HDAC4: variants seen among roughly 807,000 people sequenced by gnomAD.
HDAC4 encodes the protein histone deacetylase A.
Under a neutral mutation model 135.1 loss-of-function variants are expected in HDAC4, and 16 were observed. That is an observed-to-expected ratio of 0.12 (90% confidence interval 0.08 to 0.18). The LOEUF (loss-of-function observed/expected upper bound fraction) is 0.18. Among genes scored for constraint, HDAC4 ranks in the 10% least tolerant of loss-of-function variants. The pLI is 1.00. For missense variants in HDAC4, 1,143 were observed against 1,511.8 expected (o/e 0.76, Z 4.05); for synonymous variants, 685 against 653.4 (o/e 1.05, Z -0.74).
At chr2:239,387,990 T>C (rs1311060765) in intron 1 of HDAC4, among the ~76,000 whole-genome samples, 2 of 152,014 alleles carry the variant, frequency 1.3e-5, no homozygotes, top group Non-Finnish European at 2.9e-5. Flanking sequence ...GGAGGACGGG[T>C]ATCCACGCCA....
In HDAC4 at chr2:239,139,844, G is replaced by A. The variant is rs370472716; in HGVS notation, c.866-48C>T. 4.6e-6 allele frequency: 7 copies of A among 1,536,508 alleles called. No homozygotes were observed. In the Admixed American group the frequency reaches 1.2e-4, roughly 26 times the overall value. ...GTGAGTGTTACTCCATGCGGAGGGA[G>A]GGCCGTGCTGACCTGTGGCCCGAAT... On this transcript the variant is annotated intron_variant, in intron 8 of 26. Transcript: ENST00000543185. This position sits in a 1 kb window ranked among gnomAD's most constrained non-coding sequence, Gnocchi z 5.3.
chr2:239,141,606 C>T lies in HDAC4; in HGVS notation c.866-1810G>A, dbSNP rs1362483889. 6.6e-6 allele frequency among the ~76,000 whole-genome samples: 1 copy of T among 152,190 alleles called. No homozygotes were observed. Among genetic ancestry groups the T allele is most frequent in the African/African-American group, 2.4e-5 (1 of 41,442 alleles). ...CCGCCTTCTCCAGGCCCCTCCAACT[C>T]TCCCATCTCTGCCCCACCTGCAGCC... On this transcript the variant is annotated intron_variant, in intron 8 of 26. Transcript: ENST00000543185. This position sits in a 1 kb window ranked among gnomAD's most constrained non-coding sequence, Gnocchi z 4.9.
intron 16 of HDAC4, among the ~76,000 whole-genome samples, chr2:239,100,612 G>A (rs576815039): frequency 2.9e-3 from 444 of 152,284 alleles, no homozygotes; most frequent in Non-Finnish European, 4.7e-3. Context: ...GCTCCTAAGG[G>A]GGAAGTGCCA....
intron 2 of HDAC4, among the ~76,000 whole-genome samples, chr2:239,249,710 C>T (rs1054279022): frequency 1.3e-5 from 2 of 151,910 alleles, no homozygotes; most frequent in African/African-American, 4.8e-5. Context: ...TATCCAAATA[C>T]CACGCCATCC....
At position 239,139,670 on chromosome 2, in the gene HDAC4, C is replaced by T. The variant is rs563336405; in HGVS notation, c.978+14G>A. 470 of 1,608,942 alleles carry T rather than the reference C, an allele frequency of 2.9e-4. 4 individuals are homozygous for T. In the South Asian group the frequency reaches 4.6e-3, roughly 16 times the overall value. On this transcript the variant is annotated intron_variant, in intron 9 of 26. Transcript: ENST00000543185. The surrounding 1 kb of genome is among the most constrained non-coding windows in gnomAD (Gnocchi z 5.3). The stretch of plus-strand genomic sequence containing the variant: ...CTCTAGCCGTAGGACACAGGACAAA[C>T]GCTTCGCACTGACCTCCGCCGGGAT...
intron 1 of HDAC4, among the ~76,000 whole-genome samples, chr2:239,388,011 G>A (rs1424457606): frequency 6.6e-6 from 1 of 152,186 alleles, no homozygotes; most frequent in Non-Finnish European, 1.5e-5. Flanking sequence ...CAGGTGTGCA[G>A]GGACTAACGG....
At chr2:239,081,214 C>A in intron 21 of HDAC4, 22 bp from the exon 22 acceptor site, 1 of 1,597,122 alleles carries the variant, frequency 6.3e-7, no homozygotes, top group South Asian at 1.1e-5. Flanking sequence ...AGGAGAGAAA[C>A]ACACGTCATG....
At chr2:239,124,331 CCCA>C (rs1411431929) in intron 12 of HDAC4, among the ~76,000 whole-genome samples, 41 of 152,210 alleles carry the variant, frequency 2.7e-4, no homozygotes, top group Non-Finnish European at 7.4e-5. Context: ...AGGCCTGGCT[CCCA>C]CGAGTCTGTG....
intron 22 of HDAC4, among the ~76,000 whole-genome samples, chr2:239,071,305 C>T (rs901075079): frequency 2.6e-5 from 4 of 152,086 alleles, no homozygotes; most frequent in African/African-American, 9.7e-5. Flanking sequence ...ATCCCAGCTA[C>T]TCGGGAGGCT....
At chr2:239,166,492 G>T (rs918247060) in intron 5 of HDAC4, among the ~76,000 whole-genome samples, 9 of 152,202 alleles carry the variant, frequency 5.9e-5, no homozygotes, top group Admixed American at 3.3e-4. Context: ...TAGGGTGGCG[G>T]TGGGGGGACA....
At chr2:239,176,100 C>T (rs1318509735) in intron 5 of HDAC4, among the ~76,000 whole-genome samples, 4 of 152,150 alleles carry the variant, frequency 2.6e-5, no homozygotes, top group South Asian at 2.1e-4. Context: ...CCCTACTCCC[C>T]GTGTGCTGCC....
At chr2:239,158,886 A>T (rs1456125122) in intron 6 of HDAC4, among the ~76,000 whole-genome samples, 1 of 151,990 alleles carries the variant, frequency 6.6e-6, no homozygotes, top group Non-Finnish European at 1.5e-5. Context: ...CCCTGCTGCA[A>T]TCACACCCGC....
At chr2:239,124,114 A>T (rs1052298515) in intron 12 of HDAC4, among the ~76,000 whole-genome samples, 3 of 151,974 alleles carry the variant, frequency 2.0e-5, no homozygotes, top group Non-Finnish European at 4.4e-5. Flanking sequence ...CCTCCCATCA[A>T]CTCATCCTCT....
At chr2:239,177,584 C>T (rs2043855188) in intron 4 of HDAC4, among the ~76,000 whole-genome samples, 1 of 152,178 alleles carries the variant, frequency 6.6e-6, no homozygotes, top group Admixed American at 6.5e-5. Flanking sequence ...CCCAACAGCA[C>T]CCTTAAGGGC....
intron 19 of HDAC4, among the ~76,000 whole-genome samples, chr2:239,085,069 C>T (rs900204249): frequency 6.6e-6 from 1 of 151,812 alleles, no homozygotes. Context: ...CACACACACA[C>T]ACACTCTCCT....
chr2:239,100,876 C>T lies in HDAC4; in HGVS notation c.2233+1900G>A, dbSNP rs140394913. 2.4e-3 allele frequency among the ~76,000 whole-genome samples: 361 copies of T among 152,252 alleles called. 1 individual carries two copies. Among genetic ancestry groups the T allele is most frequent in the African/African-American group, 8.3e-3 (343 of 41,556 alleles). Reference sequence around the variant, plus strand: ...CAGTCCAGGAAGCCCCTGTCTTCCACCGTCCCTTCCAGAGGGACGGTGGAA... The same window carrying T: ...CAGTCCAGGAAGCCCCTGTCTTCCATCGTCCCTTCCAGAGGGACGGTGGAA... On this transcript the variant is annotated intron_variant, in intron 16 of 26. Coordinates refer to ENST00000543185, the MANE Select transcript of HDAC4 (RefSeq NM_001378414.1).
intron 2 of HDAC4, among the ~76,000 whole-genome samples, chr2:239,279,814 C>T (rs1211017952): frequency 6.6e-6 from 1 of 152,204 alleles, no homozygotes; most frequent in Non-Finnish European, 1.5e-5. Context: ...GGAAACCGCG[C>T]CCTCAGGATG....
intron 1 of HDAC4, among the ~76,000 whole-genome samples, chr2:239,383,102 C>G (rs1285604252): frequency 6.6e-6 from 1 of 152,210 alleles, no homozygotes; most frequent in Non-Finnish European, 1.5e-5. Flanking sequence ...GCTTAATACC[C>G]AGTGTTCTCC....
At chr2:239,184,570 A>G (rs1306580604) in intron 4 of HDAC4, among the ~76,000 whole-genome samples, 1 of 80,584 alleles carries the variant, frequency 1.2e-5, no homozygotes, top group African/African-American at 5.3e-5. Context: ...TCTGTCCTGG[A>G]GGCTGTGCCC....
Sources: gnomAD v4.1 joint callset for allele counts (sites outside exome capture counted in the v4.1 genomes callset) on GRCh38, gnomAD v4.1.1 for gene constraint, Gnocchi (gnomAD v3.1) non-coding constraint, MANE v1.5 for transcripts, NCBI Gene and HGNC (gene_info 2026-07-23, HGNC 2026-07-21) for gene names.